HEATR4: variants seen among roughly 807,000 people sequenced by gnomAD.
HEATR4 encodes the protein HEAT repeat-containing protein 4.
Under a neutral mutation model 108.8 loss-of-function variants are expected in HEATR4, and 95 were observed. The ratio of observed to expected loss-of-function variants is 0.87; its 90% CI spans 0.74 to 1.04. HEATR4 has a LOEUF of 1.04. Among genes scored for constraint, HEATR4 ranks in the 50% least tolerant of loss-of-function variants. HEATR4 has a pLI of 0.00. For missense variants in HEATR4, 1,152 were observed against 1,253.8 expected, an observed-to-expected ratio of 0.92 and a Z score of 1.23; for synonymous variants, 443 against 459.4, an observed-to-expected ratio of 0.96 and a Z score of 0.46.
At chr14:73,484,133 A>T (rs1885353728) in intron 17 of HEATR4, among the ~76,000 whole-genome samples, 1 of 152,020 alleles carries the variant, frequency 6.6e-6, no homozygotes, top group Non-Finnish European at 1.5e-5. Flanking sequence ...CTGGGATTGC[A>T]GGCGTGAGCC....
intron 17 of HEATR4, among the ~76,000 whole-genome samples, chr14:73,485,900 A>G (rs4903115): frequency 0.4 from 61,154 of 151,428 alleles, 13,376 homozygotes; most frequent in African/African-American, 0.56. Flanking sequence ...TTTTCATAGC[A>G]ACAGCGTCTC....
chr14:73,513,230 G>A (rs1030318159), intron 6 of HEATR4, among the ~76,000 whole-genome samples: 8 of 152,298 alleles, frequency 5.3e-5, no homozygotes, highest in Admixed American at 3.3e-4. Flanking sequence ...AGGCCAAGGC[G>A]GGGAGATCAC....
chr14:73,499,496 A>G lies in HEATR4; in HGVS notation c.2287-356T>C, dbSNP rs556613530. On this transcript the variant is annotated intron_variant, in intron 12 of 17. Transcript: ENST00000553558. ...CTCCATCTCAAAAAAGCAAAAAAAC[A>G]AAACAAAGCAAAAGAATGAATCAGA... 9.9e-5 allele frequency among the ~76,000 whole-genome samples: 15 copies of G among 152,168 alleles called. No individual in the cohort carries two copies. The South Asian group carries it at 2.7e-3, about 27-fold the overall frequency.
the HEATR4 span, chr14:73,619,594 A>G: frequency 6.2e-7 from 1 of 1,614,216 alleles, no homozygotes; most frequent in Non-Finnish European, 8.5e-7. Context: ...AGCCTCTGAA[A>G]GGCTACAAGC....
At chr14:73,510,105 C>T (rs895782719) in intron 7 of HEATR4, among the ~76,000 whole-genome samples, 2 of 151,462 alleles carry the variant, frequency 1.3e-5, no homozygotes, top group African/African-American at 2.4e-5. Context: ...TTGTGATCCA[C>T]CTGCCTCAGC....
At chr14:73,612,926 C>G in the HEATR4 span, 2 of 1,344,010 alleles carry the variant, frequency 1.5e-6, no homozygotes, top group Non-Finnish European at 2.0e-6. Flanking sequence ...GCCCGGGCGG[C>G]TGCTGTGCCT....
At chr14:73,587,148 C>A in the HEATR4 span, among the ~76,000 whole-genome samples, 4,860 of 145,632 alleles carry the variant, frequency 0.033, 235 homozygotes, top group East Asian at 0.21. Context: ...AAAACAAAAA[C>A]AAAAAAAAGA....
chr14:73,630,929 G>A, the HEATR4 span, among the ~76,000 whole-genome samples: 3 of 152,102 alleles, frequency 2.0e-5, no homozygotes, highest in Non-Finnish European at 4.4e-5. Context: ...CAATATTTAT[G>A]GCGAAAGGAC....
At position 73,492,496 on chromosome 14, in the gene HEATR4, T is replaced by G. The variant is rs1387921690; in HGVS notation, c.2844+570A>C. On this transcript the variant is annotated intron_variant, in intron 17 of 17. Transcript: ENST00000553558. The surrounding 1 kb of genome is among the most constrained non-coding windows in gnomAD (Gnocchi z 4.9). ...TTGCCCGCCTGGGACACTTTGCTCC[T>G]GTTGATGCTGTGGCCGACCAGCGAG... The G allele has an allele frequency of 1.9e-6, 3 of 1,613,562 alleles. No individual in the cohort carries two copies. Among genetic ancestry groups the G allele is most frequent in the Non-Finnish European group, 2.5e-6 (3 of 1,179,746 alleles).
the HEATR4 span, chr14:73,595,232 A>C: frequency 1.9e-6 from 3 of 1,614,232 alleles, no homozygotes; most frequent in Non-Finnish European, 2.5e-6. Flanking sequence ...CCTGAGGAGA[A>C]TCAAGGTAGC....
the HEATR4 span, among the ~76,000 whole-genome samples, chr14:73,579,882 C>A: frequency 3.9e-5 from 6 of 152,110 alleles, no homozygotes; most frequent in African/African-American, 1.4e-4. Context: ...CATTTGAAGT[C>A]AGAAGTTCGA....
chr14:73,492,379 G>A lies in HEATR4; in HGVS notation c.2844+687C>T, dbSNP rs1885826740. The stretch of plus-strand genomic sequence containing the variant: ...AAAATGTGGAGTTTCGGAGGGGTCT[G>A]CCCCGAGACTTCATGGATTACATGG... On this transcript the variant is annotated intron_variant, in intron 17 of 17. Coordinates refer to ENST00000553558, the MANE Select transcript of HEATR4 (RefSeq NM_001220484.1). This position sits in a 1 kb window ranked among gnomAD's most constrained non-coding sequence, Gnocchi z 4.9. The A allele has an allele frequency of 1.2e-6, 2 of 1,613,874 alleles. No individual in the cohort carries two copies. The highest frequency in any genetic ancestry group is 2.2e-5 in the East Asian group (1 of 44,876).
the HEATR4 span, among the ~76,000 whole-genome samples, chr14:73,588,039 T>C: frequency 6.6e-6 from 1 of 151,976 alleles, no homozygotes. Flanking sequence ...TTCGTTCCTG[T>C]TGCCCAGGCT....
chr14:73,516,928 C>G (rs2140289318), intron 5 of HEATR4, among the ~76,000 whole-genome samples: 1 of 152,300 alleles, frequency 6.6e-6, no homozygotes, highest in Admixed American at 6.5e-5. Flanking sequence ...TTCCACGAAA[C>G]CGGTCCCTGG....
chr14:73,605,099 GA>G, the HEATR4 span, among the ~76,000 whole-genome samples: 66 of 120,584 alleles, frequency 5.5e-4, no homozygotes, highest in African/African-American at 7.0e-4. Context: ...TAACTGAGAA[GA>G]AAAAAAAAAA....
At chr14:73,598,853 A>G in the HEATR4 span, among the ~76,000 whole-genome samples, 1 of 151,984 alleles carries the variant, frequency 6.6e-6, no homozygotes, top group African/African-American at 2.4e-5. Flanking sequence ...AAATACAAAA[A>G]AGTAGCCAGG....
At chr14:73,535,444 C>A (rs576317424) in intron 1 of HEATR4, among the ~76,000 whole-genome samples, 2 of 87,030 alleles carry the variant, frequency 2.3e-5, no homozygotes, top group African/African-American at 6.9e-5. Flanking sequence ...GAACCCTCTC[C>A]CTTTTTCTTT....
At chr14:73,563,887 C>T (rs1400470115), upstream of HEATR4, among the ~76,000 whole-genome samples, 1 of 151,896 alleles carries the variant, frequency 6.6e-6, no homozygotes, top group East Asian at 1.9e-4. Context: ...GGTAGGGTCA[C>T]TTGTTTGGGA....
chr14:73,540,717 G>C (rs1375087103), intron 1 of HEATR4, among the ~76,000 whole-genome samples: 1 of 120,132 alleles, frequency 8.3e-6, no homozygotes, highest in Non-Finnish European at 1.8e-5. Flanking sequence ...TGTCTTAAAA[G>C]TGTTGCCTGT....
Sources: allele counts gnomAD v4.1 joint callset (sites outside exome capture counted in the v4.1 genomes callset), GRCh38; gene constraint gnomAD v4.1.1; non-coding constraint Gnocchi (gnomAD v3.1); transcripts MANE v1.5; gene names NCBI Gene and HGNC (gene_info 2026-07-23, HGNC 2026-07-21).